ABCA4: variants seen among roughly 807,000 people sequenced by gnomAD.
ABCA4 encodes the protein ATP binding cassette subfamily A member 4.
In ABCA4, 196 loss-of-function variants were observed where a neutral mutation model predicts 263.7. The ratio of observed to expected loss-of-function variants is 0.74; its 90% CI spans 0.66 to 0.84. The LOEUF is 0.84. Among genes scored for constraint, ABCA4 ranks in the 40% least tolerant of loss-of-function variants. ABCA4 has a pLI of 0.00. For synonymous variants in ABCA4, 1,133 were observed against 1,094.2 expected (o/e 1.04, Z -0.70); for missense variants, 2,792 against 2,855.1 (o/e 0.98, Z 0.50).
chr1:94,045,436 C>G (rs1256916822), intron 19 of ABCA4, among the ~76,000 whole-genome samples: 2 of 151,366 alleles, frequency 1.3e-5, no homozygotes, highest in Non-Finnish European at 2.9e-5. Context: ...AAGTAAAACT[C>G]AAAAATATTA....
chr1:94,081,836 G>A (rs1053449813), intron 7 of ABCA4, among the ~76,000 whole-genome samples: 1 of 152,220 alleles, frequency 6.6e-6, no homozygotes, highest in Non-Finnish European at 1.5e-5. Context: ...GGAGCTGCCA[G>A]TAGCTTGGCT....
Position 94,005,542 on chromosome 1 carries a change from A to G in ABCA4, c.6046T>C (p.Tyr2016His). 1 of 1,614,130 alleles carries G rather than the reference A, an allele frequency of 6.2e-7. No individual in the cohort carries two copies. The highest frequency in any genetic ancestry group is 8.5e-7 in the Non-Finnish European group (1 of 1,179,946). The change falls in exon 44 of 50, where the codon TAC becomes CAC. Residue 2016 changes from tyrosine (Y) to histidine (H), a missense_variant. By Grantham distance (83) the Tyr-to-His change is moderately conservative (BLOSUM62 2). Coordinates refer to ENST00000370225, the MANE Select transcript of ABCA4 (RefSeq NM_000350.3). ...TCAATTGCATCAAACTGAGGACAGT[A>G]GCCCATATTTTGATGGACTTCAGAA... ...NISEVHQNMG[Y>H]CPQFDAIDEL...
intron 44 of ABCA4, among the ~76,000 whole-genome samples, chr1:94,005,048 A>G (rs1260110676): frequency 6.6e-6 from 1 of 152,224 alleles, no homozygotes; most frequent in Non-Finnish European, 1.5e-5. Context: ...ACCATAAATT[A>G]TTCAGCCAAT....
intron 14 of ABCA4, 135 bp downstream of exon 14, chr1:94,060,402 T>TA: frequency 1.2e-6 from 1 of 841,194 alleles, no homozygotes; most frequent in Non-Finnish European, 2.0e-6. Flanking sequence ...CCACGTTGGC[T>TA]AAAAGGAAGG....
intron 26 of ABCA4, among the ~76,000 whole-genome samples, chr1:94,032,803 T>G (rs1223885021): frequency 2.6e-5 from 4 of 152,180 alleles, no homozygotes; most frequent in African/African-American, 9.7e-5. Flanking sequence ...TGAAAGAATG[T>G]CCACCGACTG....
rs772429415 is a variant in ABCA4 at position 94,011,374 on chromosome 1, C to T, written c.5472G>A (p.Arg1824=). 2 of 1,614,012 alleles carry T rather than the reference C, an allele frequency of 1.2e-6. No homozygotes were observed. The highest frequency in any genetic ancestry group is 8.5e-7 in the Non-Finnish European group (1 of 1,179,974). Residue 1824 remains arginine, a synonymous_variant, in exon 39 of 50, where the codon AGG becomes AGA. Transcript: ENST00000370225. ...ELFENNRTLL[R]FNAVLRKLLI... is the part of the protein sequence containing the mutation. ...GCAGCTTCCTCAGCACGGCGTTGAA[C>T]CTGAGCAGCGTCTGAAACAGAGAAG... is the stretch of plus-strand genomic sequence containing the variant.
At chr1:93,997,743 G>A (rs1659048126) in intron 48 of ABCA4, 118 bp downstream of exon 48, 62 of 1,350,052 alleles carry the variant, frequency 4.6e-5, no homozygotes, top group Non-Finnish European at 6.3e-5. Context: ...AATAAACAGA[G>A]GGCAAGAGTT....
At chr1:94,110,933 T>C (rs1319191219) in intron 3 of ABCA4, among the ~76,000 whole-genome samples, 2 of 152,174 alleles carry the variant, frequency 1.3e-5, no homozygotes. Context: ...AACAGAGGAT[T>C]TGGAAATTGT....
At chr1:93,998,762 A>ATTT (rs1659089186) in intron 47 of ABCA4, among the ~76,000 whole-genome samples, 1 of 150,246 alleles carries the variant, frequency 6.7e-6, no homozygotes, top group Non-Finnish European at 1.5e-5. Flanking sequence ...ATTTTATTTG[A>ATTT]GACAGTCTCA....
chr1:94,084,367 C>A lies in ABCA4; in HGVS notation c.769-926G>T, dbSNP rs368406839. Among the ~76,000 whole-genome samples, 95 of 152,272 alleles carry A rather than the reference C, an allele frequency of 6.2e-4. 1 individual carries two copies. In the South Asian group the frequency reaches 0.016, roughly 25 times the overall value. ...AATTCTCATCCAAGTATCTGGGGAC[C>A]AAAAGCCTCTGCTTTTTATTTGCCA... On this transcript the variant is annotated intron_variant, in intron 6 of 49. Coordinates refer to ENST00000370225, the MANE Select transcript of ABCA4 (RefSeq NM_000350.3).
rs202185371 is a variant in ABCA4, at chr1:94,062,560, G to A, written c.1937+17C>T. ...CATTAGCGTGTCATGGAGGAGGATC[G>A]CGAACTTCAGACTCACGAATCGTCC... On this transcript the variant is annotated intron_variant, in intron 13 of 49. Transcript: ENST00000370225. The A allele has an allele frequency of 3.5e-5, 57 of 1,612,974 alleles. No homozygotes were observed. The East Asian group carries it at 8.0e-4, about 23-fold the overall frequency.
rs571285845 is a variant in ABCA4 at position 94,091,481 on chromosome 1, C to T, written c.768+7313G>A. ...CTGTTCAAATTCACATGAATTGTTT[C>T]TGTCAAAGAACCGGAAGAGACTGTA... On this transcript the variant is annotated intron_variant, in intron 6 of 49. Transcript: ENST00000370225. 9.9e-5 allele frequency among the ~76,000 whole-genome samples: 15 copies of T among 152,060 alleles called. No homozygotes were observed. In the East Asian group the frequency reaches 2.9e-3, roughly 29 times the overall value.
rs913651019 is a variant in ABCA4, at chr1:94,036,845, T to G, written c.3814-57A>C. 12 of 1,559,552 alleles carry G rather than the reference T, an allele frequency of 7.7e-6. No homozygotes were observed. In the Admixed American group the frequency reaches 2.0e-4, roughly 26 times the overall value. ...TTAGTCATTCTTATTCTCAGAAAAA[T>G]CTAACCCAAGCTCTGTTTTGTTGGG... On this transcript the variant is annotated intron_variant, in intron 25 of 49. Coordinates refer to ENST00000370225, the MANE Select transcript of ABCA4 (RefSeq NM_000350.3).
Position 94,080,393 on chromosome 1 carries a change from C to T in ABCA4, c.1099+85G>A, listed in dbSNP as rs1235728827. On this transcript the variant is annotated intron_variant, in intron 8 of 49. Coordinates refer to ENST00000370225, the MANE Select transcript of ABCA4 (RefSeq NM_000350.3). ...CAGCAAGACAAGACAGATGCAACCC[C>T]AGGTTTGGTTTCACCTAGAAGTGTT... is the stretch of plus-strand genomic sequence containing the variant. The T allele has an allele frequency of 3.8e-6, 6 of 1,573,998 alleles. No individual in the cohort carries two copies. In the Admixed American group the frequency reaches 6.7e-5, roughly 18 times the overall value.
In ABCA4 at chr1:94,019,729, GGCAACC is replaced by G. The variant is rs775383076; in HGVS notation, c.5043_5048del (p.Val1682_Ala1683del). 1 of 1,613,262 alleles carries G rather than the reference GGCAACC, an allele frequency of 6.2e-7. No homozygotes were observed. The highest frequency in any genetic ancestry group is 1.7e-5 in the Admixed American group (1 of 59,916). On this transcript the variant is annotated inframe_deletion, in exon 36 of 50. Coordinates refer to ENST00000370225, the MANE Select transcript of ABCA4 (RefSeq NM_000350.3). Reference sequence around the variant, plus strand: ...AGGACATGGAGAAAATCACGCAGATGGCAACCACAGCATCCACTGAAGTGGTCAGCC... The same window carrying G: ...AGGACATGGAGAAAATCACGCAGATGACAGCATCCACTGAAGTGGTCAGCC...
chr1:94,053,110 C>T (rs1570383970), intron 16 of ABCA4, among the ~76,000 whole-genome samples: 1 of 152,152 alleles, frequency 6.6e-6, no homozygotes, highest in Non-Finnish European at 1.5e-5. Flanking sequence ...GAGAGTGGTG[C>T]GTCTAGAGAG....
At chr1:94,099,709 A>G (rs1239386334) in intron 5 of ABCA4, among the ~76,000 whole-genome samples, 4 of 152,250 alleles carry the variant, frequency 2.6e-5, no homozygotes, top group Non-Finnish European at 5.9e-5. Flanking sequence ...TAGTACAAAT[A>G]TGTCCCAAAT....
Position 94,014,545 on chromosome 1 carries a change from G to C in ABCA4, c.5458C>G (p.Arg1820Gly), listed in dbSNP as rs748806015. The C allele has an allele frequency of 1.2e-6, 2 of 1,613,978 alleles. No individual in the cohort carries two copies. The highest frequency in any genetic ancestry group is 2.7e-5 in the African/African-American group (2 of 74,920). Reference sequence around the variant, plus strand: ...AAAGCCAAGAAAGTTATGCTCACCCGGTTATTCTCAAATAATTCCAAGATG... The same window carrying C: ...AAAGCCAAGAAAGTTATGCTCACCCCGTTATTCTCAAATAATTCCAAGATG... Reference protein sequence around the residue: ...TFILELFENNRTLLRFNAVLR... With the variant: ...TFILELFENNGTLLRFNAVLR... Residue 1820 changes from arginine to glycine, a missense_variant and splice_region_variant, in exon 38 of 50, where the codon CGG (arginine) becomes GGG (glycine). Transcript: ENST00000370225.
chr1:94,004,745 C>T (rs1353541395), intron 44 of ABCA4, among the ~76,000 whole-genome samples: 1 of 152,144 alleles, frequency 6.6e-6, no homozygotes, highest in African/African-American at 2.4e-5. Flanking sequence ...AAATATATCC[C>T]CAGAAGTACT....
Sources: allele counts gnomAD v4.1 joint callset (sites outside exome capture counted in the v4.1 genomes callset), GRCh38; gene constraint gnomAD v4.1.1; transcripts MANE v1.5; gene names NCBI Gene and HGNC (gene_info 2026-07-23, HGNC 2026-07-21).